DDX24: variants seen among roughly 807,000 people sequenced by gnomAD.
The protein encoded by DDX24 is DEAD-box helicase 24.
Under a neutral mutation model 68.9 loss-of-function variants are expected in DDX24, and 24 were observed. The ratio of observed to expected loss-of-function variants is 0.35; its 90% CI spans 0.25 to 0.49. The LOEUF (loss-of-function observed/expected upper bound fraction) is 0.49, where lower values mean the gene tolerates loss of function less well. Ranked by LOEUF, DDX24 falls within the 20% of genes least tolerant of loss-of-function variation. The pLI, the probability that DDX24 is intolerant of heterozygous loss-of-function variation, is 0.99. For missense variants in DDX24, 989 were observed against 1,039.0 expected, an observed-to-expected ratio of 0.95 and a Z score of 0.66; for synonymous variants, 395 against 385.2, an observed-to-expected ratio of 1.03 and a Z score of -0.30.
At chr14:94,060,795 C>A (rs1021926382) in intron 4 of DDX24, 118 bp downstream of exon 4, 6 of 1,490,770 alleles carry the variant, frequency 4.0e-6, no homozygotes, top group African/African-American at 1.4e-5. Context: ...AGGCCAGGGT[C>A]TGGATGATAC....
chr14:94,057,980 C>T, intron 5 of DDX24, 83 bp from the exon 6 acceptor site: 1 of 1,275,492 alleles, frequency 7.8e-7, no homozygotes, highest in Non-Finnish European at 1.1e-6. Context: ...GCATCCTAAA[C>T]ATTACAGTCC....
At chr14:94,065,781 GGAGCTGAGTCAAGTTAGA>G (rs149525950) in intron 2 of DDX24, among the ~76,000 whole-genome samples, 6,853 of 152,200 alleles carry the variant, frequency 0.045, 406 homozygotes, top group African/African-American at 0.13. Flanking sequence ...GACTTTACCT[GGAGCTGAGTCAAGTTAGA>G]GAGCTGAGCG....
chr14:94,064,786 T>C (rs1481571044), intron 2 of DDX24, among the ~76,000 whole-genome samples: 1 of 152,264 alleles, frequency 6.6e-6, no homozygotes, highest in Non-Finnish European at 1.5e-5. Context: ...AGCAAAGTGC[T>C]GAACCTGAGG....
At chr14:94,073,978 G>A (rs1248248155) in intron 2 of DDX24, among the ~76,000 whole-genome samples, 1 of 150,912 alleles carries the variant, frequency 6.6e-6, no homozygotes, top group Non-Finnish European at 1.5e-5. Context: ...AGGAGGCAGA[G>A]CTTGCAGTGA....
At position 94,049,714 on chromosome 14, in the gene DDX24, G is replaced by GT. The variant is rs1885351920; in HGVS notation, c.*1476dup. The GT allele has an allele frequency of 6.8e-6, 1 of 146,284 alleles. No individual in the cohort carries two copies. 9.1% of individuals were successfully genotyped at this position (146,284 alleles called of 1,614,324 possible). A position where few individuals can be genotyped will look rare whatever the true frequency, so the allele number is the denominator to read the frequency against. ...TTTGAGACCAGCCTACGCCAACATAGTGAGACCCCATCTCTACTAAAAAAA... is the reference window on the plus strand; with the variant it reads ...TTTGAGACCAGCCTACGCCAACATAGTTGAGACCCCATCTCTACTAAAAAAA... On this transcript the variant is annotated 3_prime_UTR_variant, in exon 9 of 9. Coordinates refer to ENST00000621632, the MANE Select transcript of DDX24 (RefSeq NM_020414.4).
At chr14:94,060,026 C>T in intron 5 of DDX24, 72 bp downstream of exon 5, 1 of 1,498,238 alleles carries the variant, frequency 6.7e-7, no homozygotes, top group Non-Finnish European at 8.9e-7. Context: ...TCTACCATTT[C>T]CCCACCATCC....
At chr14:94,072,967 A>G (rs1244411048) in intron 2 of DDX24, among the ~76,000 whole-genome samples, 1 of 140,054 alleles carries the variant, frequency 7.1e-6, no homozygotes. Context: ...TAAAAAACAG[A>G]AATGTGAAAA....
chr14:94,051,166 T>C lies in DDX24; in HGVS notation c.*25A>G, dbSNP rs776446156. Reference sequence around the variant, plus strand: ...AATAGCCAGAGAACAGAAACCAATGTGCAGTCACTGACACACTTGACCAGT... The same window carrying C: ...AATAGCCAGAGAACAGAAACCAATGCGCAGTCACTGACACACTTGACCAGT... On this transcript the variant is annotated 3_prime_UTR_variant, in exon 9 of 9. Transcript: ENST00000621632. 6.7e-7 allele frequency: 1 copy of C among 1,490,748 alleles called. No individual in the cohort carries two copies. The highest frequency in any genetic ancestry group is 8.9e-7 in the Non-Finnish European group (1 of 1,125,260). The allele number at this position is 1,490,748 out of a possible 1,614,324, so 92.3% of individuals were successfully genotyped here. A position where few individuals can be genotyped will look rare whatever the true frequency, so the allele number is the denominator to read the frequency against.
intron 2 of DDX24, among the ~76,000 whole-genome samples, chr14:94,073,281 C>T (rs913085932): frequency 6.6e-5 from 10 of 151,878 alleles, no homozygotes; most frequent in Non-Finnish European, 1.2e-4. Context: ...GAGACAGTTT[C>T]GCCATGTTGG....
chr14:94,075,638 T>C (rs151224464), intron 2 of DDX24, among the ~76,000 whole-genome samples: 34 of 152,218 alleles, frequency 2.2e-4, no homozygotes, highest in African/African-American at 8.2e-4. Flanking sequence ...AAGCATAAAT[T>C]CATAAAAGAC....
At chr14:94,072,493 G>A (rs558847129) in intron 2 of DDX24, among the ~76,000 whole-genome samples, 13 of 152,190 alleles carry the variant, frequency 8.5e-5, no homozygotes, top group Non-Finnish European at 1.8e-4. Context: ...TACAAATATG[G>A]TGTAGCGTAT....
In DDX24 at chr14:94,060,487, G is replaced by C. The variant is rs1485794277; in HGVS notation, c.1524C>G (p.Ala508=). The change falls in exon 5 of 9, where the codon GCC becomes GCG. Residue 508 remains alanine, a synonymous_variant. Transcript: ENST00000621632. ...NPKRQTLVFS[A]TLTLVHQAPA... Reference sequence around the variant, plus strand: ...GAGCCTGATGCACCAGGGTGAGTGTGGCAGAAAAAACAAGCGTTTGTCTCT... The same window carrying C: ...GAGCCTGATGCACCAGGGTGAGTGTCGCAGAAAAAACAAGCGTTTGTCTCT... 4 of 1,613,996 alleles carry C rather than the reference G, an allele frequency of 2.5e-6. No individual in the cohort carries two copies. The highest frequency in any genetic ancestry group is 1.7e-5 in the Admixed American group (1 of 59,990).
intron 2 of DDX24, 160 bp downstream of exon 2, chr14:94,078,865 G>A: frequency 1.4e-6 from 1 of 725,742 alleles, no homozygotes; most frequent in Non-Finnish European, 2.3e-6. Context: ...TTCAAGAAGA[G>A]CATATTTCAA....
rs138551025 is a variant in DDX24 at position 94,058,158 on chromosome 14, A to G, written c.1914-261T>C. ...CATGCCATACTCTGCAATGATAAAG[A>G]CTCCCTTCAGTGAGTTAAATGAGGC... On this transcript the variant is annotated intron_variant, in intron 5 of 8. Transcript: ENST00000621632. Among the ~76,000 whole-genome samples the G allele has an allele frequency of 1.1e-3, 166 of 151,916 alleles. 3 individuals carry two copies. In the South Asian group the frequency reaches 0.016, roughly 15 times the overall value.
chr14:94,071,949 A>G (rs1160955953), intron 2 of DDX24, among the ~76,000 whole-genome samples: 4 of 152,310 alleles, frequency 2.6e-5, no homozygotes, highest in Admixed American at 6.5e-5. Flanking sequence ...CCATCTCAAA[A>G]AAAAAACAAT....
intron 8 of DDX24, chr14:94,051,756 C>T: frequency 3.1e-6 from 1 of 325,084 alleles, no homozygotes; most frequent in African/African-American, 2.1e-5. Flanking sequence ...ACCTGGCTCA[C>T]ATCACAGAGC....
rs1885577206 is a variant in DDX24, at chr14:94,060,629, G to T, written c.1398-16C>A. 6.2e-7 allele frequency: 1 copy of T among 1,608,594 alleles called. No homozygotes were observed. The highest frequency in any genetic ancestry group is 1.3e-5 in the African/African-American group (1 of 74,724). ...TACCAGGCACCTGCAGATCCAGAGA[G>T]ACCCATATCATTGGTCAGCAGCGGG... is the stretch of plus-strand genomic sequence containing the variant. On this transcript the variant is annotated splice_polypyrimidine_tract_variant and intron_variant, in intron 4 of 8. Coordinates refer to ENST00000621632, the MANE Select transcript of DDX24 (RefSeq NM_020414.4).
intron 6 of DDX24, chr14:94,055,466 G>T: frequency 4.6e-6 from 2 of 432,512 alleles, no homozygotes; most frequent in Non-Finnish European, 8.3e-6. Flanking sequence ...TCTTATCCAG[G>T]ATTTAAGCAG....
At position 94,051,060 on chromosome 14, in the gene DDX24, T is replaced by G; in HGVS notation, c.*131A>C. ...AATCTGCATGAGGTCTCTCCCGCTA[T>G]GGGTGTGAGTGGAAGAGAGGGAGAC... is the stretch of plus-strand genomic sequence containing the variant. On this transcript the variant is annotated 3_prime_UTR_variant, in exon 9 of 9. Transcript: ENST00000621632. 3 of 1,063,072 alleles carry G rather than the reference T, an allele frequency of 2.8e-6. No individual in the cohort carries two copies. Among genetic ancestry groups the G allele is most frequent in the Non-Finnish European group, 4.0e-6 (3 of 754,070 alleles). The allele number at this position is 1,063,072 out of a possible 1,614,324, so 65.9% of individuals were successfully genotyped here. A position where few individuals can be genotyped will look rare whatever the true frequency, so the allele number is the denominator to read the frequency against.
Sources: gnomAD v4.1 joint callset for allele counts (sites outside exome capture counted in the v4.1 genomes callset) on GRCh38, gnomAD v4.1.1 for gene constraint, MANE v1.5 for transcripts, NCBI Gene and HGNC (gene_info 2026-07-23, HGNC 2026-07-21) for gene names.